Variants in SLC6A3 observed in about 807,000 individuals in gnomAD.
SLC6A3 encodes sodium-dependent dopamine transporter.
A neutral mutation model predicts 70.4 loss-of-function variants in SLC6A3; 19 were observed. The observed-to-expected ratio is 0.27, with a 90% CI of 0.19 to 0.40. The LOEUF (loss-of-function observed/expected upper bound fraction) is 0.40, where lower values mean the gene tolerates loss of function less well. SLC6A3 is among the 10% of genes least tolerant of loss of function. SLC6A3 has a pLI of 1.00. For missense variants in SLC6A3, 613 were observed against 838.5 expected (o/e 0.73, Z 3.32); for synonymous variants, 368 against 356.6 (o/e 1.03, Z -0.36).
At chr5:1,417,421 C>A (rs1048039454) in intron 6 of SLC6A3, among the ~76,000 whole-genome samples, 1 of 152,220 alleles carries the variant, frequency 6.6e-6, no homozygotes, top group Non-Finnish European at 1.5e-5. Flanking sequence ...TGGACGCACA[C>A]CAGCAATGCC....
rs748289437 is a variant in SLC6A3 at position 1,403,060 on chromosome 5, G to A, written c.1629C>T (p.Phe543=). The A allele has an allele frequency of 7.4e-6, 12 of 1,613,748 alleles. No homozygotes were observed. The highest frequency in any genetic ancestry group is 1.0e-5 in the Non-Finnish European group (12 of 1,180,036). The change falls in exon 13 of 15, where the codon TTC becomes TTT. Residue 543 remains phenylalanine (F), a synonymous_variant. Coordinates refer to ENST00000270349, the MANE Select transcript of SLC6A3 (RefSeq NM_001044.5). ...LFVVVVSIVT[F]RPPHYGAYIF... ...TGTAGGCTCCGTAGTGGGGGGGTCT[G>A]AAGGTCACAATGCTGACCACGACCA...
In SLC6A3 at chr5:1,436,790, C is replaced by T. The variant is rs1756845319; in HGVS notation, c.419-4092G>A. ...GCAAATGGTGCTTCGCCCACCAGAG[C>T]ACGGCCACCCTGCCCCACCCCTGAA... is the stretch of plus-strand genomic sequence containing the variant. On this transcript the variant is annotated intron_variant, in intron 3 of 14. Coordinates refer to ENST00000270349, the MANE Select transcript of SLC6A3 (RefSeq NM_001044.5). This position sits in a 1 kb window ranked among gnomAD's most constrained non-coding sequence, Gnocchi z 5.2. Among the ~76,000 whole-genome samples the T allele has an allele frequency of 6.6e-6, 1 of 152,198 alleles. No homozygotes were observed. The highest frequency in any genetic ancestry group is 1.5e-5 in the Non-Finnish European group (1 of 68,038).
At chr5:1,409,289 A>AAAAAAT (rs1266520842) in intron 10 of SLC6A3, among the ~76,000 whole-genome samples, 164 bp from the exon 11 acceptor site, 1 of 152,234 alleles carries the variant, frequency 6.6e-6, no homozygotes, top group African/African-American at 2.4e-5. Context: ...CGTGTATTAC[A>AAAAAAT]AAAAATAAAA....
Position 1,408,120 on chromosome 5 carries a change from G to A in SLC6A3, c.1498+906C>T, listed in dbSNP as rs925482570. The stretch of plus-strand genomic sequence containing the variant: ...GGTTCAAGCTGAATCATATTCCATC[G>A]TAAGTATACCATCAGTGTCTTCAGA... On this transcript the variant is annotated intron_variant, in intron 11 of 14. Transcript: ENST00000270349. This position sits in a 1 kb window ranked among gnomAD's most constrained non-coding sequence, Gnocchi z 6.4. 5.3e-5 allele frequency among the ~76,000 whole-genome samples: 8 copies of A among 151,580 alleles called. No individual in the cohort carries two copies. The highest frequency in any genetic ancestry group is 1.2e-4 in the African/African-American group (5 of 41,192).
intron 4 of SLC6A3, among the ~76,000 whole-genome samples, chr5:1,424,879 C>T (rs1756543060): frequency 1.3e-5 from 2 of 152,214 alleles, no homozygotes; most frequent in Non-Finnish European, 2.9e-5. Context: ...GTGCTGTCAA[C>T]CTGAGAAGAG....
rs1733712322 is a variant in SLC6A3, at chr5:1,442,806, C to T, written c.286+106G>A. 8.5e-7 allele frequency: 1 copy of T among 1,179,668 alleles called. No homozygotes were observed. Among genetic ancestry groups the T allele is most frequent in the Non-Finnish European group, 1.3e-6 (1 of 793,320 alleles). 73.1% of individuals were successfully genotyped at this position (1,179,668 alleles called of 1,614,324 possible). A position where few individuals can be genotyped will look rare whatever the true frequency, so the allele number is the denominator to read the frequency against. Reference sequence around the variant, plus strand: ...GAGCTCTCACAGGGAGCTCCGTCTTCACGCATGGGAACAGCTTCATCTCGT... The same window carrying T: ...GAGCTCTCACAGGGAGCTCCGTCTTTACGCATGGGAACAGCTTCATCTCGT... On this transcript the variant is annotated intron_variant, in intron 2 of 14. Coordinates refer to ENST00000270349, the MANE Select transcript of SLC6A3 (RefSeq NM_001044.5). This position sits in a 1 kb window ranked among gnomAD's most constrained non-coding sequence, Gnocchi z 5.0.
chr5:1,438,100 C>G lies in SLC6A3; in HGVS notation c.418+3259G>C, dbSNP rs115935601. Reference sequence around the variant, plus strand: ...GCAGCGTTACTGAGATTCAACAACTCAAGGTGTCTCGTCTCTAAAAAGAAG... The same window carrying G: ...GCAGCGTTACTGAGATTCAACAACTGAAGGTGTCTCGTCTCTAAAAAGAAG... On this transcript the variant is annotated intron_variant, in intron 3 of 14. Coordinates refer to ENST00000270349, the MANE Select transcript of SLC6A3 (RefSeq NM_001044.5). The surrounding 1 kb of genome is among the most constrained non-coding windows in gnomAD (Gnocchi z 6.5). Among the ~76,000 whole-genome samples, 2,636 of 152,318 alleles carry G rather than the reference C, an allele frequency of 0.017. 69 individuals are homozygous for G. The highest frequency in any genetic ancestry group is 0.059 in the African/African-American group (2,460 of 41,568).
chr5:1,413,976 G>A lies in SLC6A3; in HGVS notation c.1156+715C>T, dbSNP rs28363076. Among the ~76,000 whole-genome samples, 2,142 of 152,214 alleles carry A rather than the reference G, an allele frequency of 0.014. 34 individuals carry two copies. The highest frequency in any genetic ancestry group is 0.052 in the South Asian group (252 of 4,822). ...CCCCACCACTCACCTGTGCCTGCCC[G>A]AGACCTGGACCCCTCCCCACCCTCT... On this transcript the variant is annotated intron_variant, in intron 8 of 14. Transcript: ENST00000270349. This position sits in a 1 kb window ranked among gnomAD's most constrained non-coding sequence, Gnocchi z 7.1.
In SLC6A3 at chr5:1,394,738, C is replaced by T. The variant is rs557205326; in HGVS notation, c.1860G>A (p.Val620=). ...GGGGTCTTCGTCTCTGCTCCCTCTA[C>T]ACCTTGAGCCAGTGGCGGAGCTGGA... ...RQFTLRHWLK[V] is the part of the protein sequence containing the mutation. Residue 620 remains valine, a synonymous_variant, in exon 15 of 15, where the codon GTG becomes GTA. Transcript: ENST00000270349. This position sits in a 1 kb window ranked among gnomAD's most constrained non-coding sequence, Gnocchi z 4.7. 2.5e-6 allele frequency: 4 copies of T among 1,614,154 alleles called. No individual in the cohort carries two copies. Among genetic ancestry groups the T allele is most frequent in the South Asian group, 2.2e-5 (2 of 91,088 alleles).
chr5:1,420,430 C>A, intron 6 of SLC6A3, 139 bp downstream of exon 6: 1 of 910,992 alleles, frequency 1.1e-6, no homozygotes, highest in Admixed American at 1.7e-5. Flanking sequence ...ATCACAGGTA[C>A]TTGGGATTTG....
chr5:1,422,947 C>G (rs955372447), intron 4 of SLC6A3, among the ~76,000 whole-genome samples: 66 of 39,002 alleles, frequency 1.7e-3, no homozygotes, highest in Admixed American at 3.3e-3. Context: ...GCTGCCCACG[C>G]TGCTGGGTGC....
At chr5:1,407,435 C>G (rs1756010471) in intron 11 of SLC6A3, among the ~76,000 whole-genome samples, 1 of 152,238 alleles carries the variant, frequency 6.6e-6, no homozygotes, top group Non-Finnish European at 1.5e-5. Flanking sequence ...CTCCCACCAG[C>G]AGGTCCCAGG....
At position 1,423,231 on chromosome 5, in the gene SLC6A3, C is replaced by T. The variant is rs551680589; in HGVS notation, c.654-1217G>A. 1.1e-4 allele frequency among the ~76,000 whole-genome samples: 7 copies of T among 62,090 alleles called. 1 individual carries two copies. The highest frequency in any genetic ancestry group is 1.7e-4 in the Non-Finnish European group (6 of 34,816). The allele number at this position is 62,090 out of a possible 152,430, so 40.7% of individuals were successfully genotyped here. On this transcript the variant is annotated intron_variant, in intron 4 of 14. Transcript: ENST00000270349. The stretch of plus-strand genomic sequence containing the variant: ...GGTGCTGGGTACCCACCGCTGCCCA[C>T]GGTGCTGCCCATGGTGCTGGGTACC...
chr5:1,406,931 T>C lies in SLC6A3; in HGVS notation c.1499-643A>G, dbSNP rs116810950. On this transcript the variant is annotated intron_variant, in intron 11 of 14. Transcript: ENST00000270349. The surrounding 1 kb of genome is among the most constrained non-coding windows in gnomAD (Gnocchi z 8.8). ...TGCAACTGGTTTACTCCCTGTAGAG[T>C]GTCCCTGAGGCCACCTAAGCTGCGG... Among the ~76,000 whole-genome samples the C allele has an allele frequency of 4.7e-3, 716 of 152,152 alleles. 1 individual carries two copies. Among genetic ancestry groups the C allele is most frequent in the African/African-American group, 0.017 (694 of 41,510 alleles).
chr5:1,421,154 G>A lies in SLC6A3; in HGVS notation c.793-451C>T, dbSNP rs1473478288. Among the ~76,000 whole-genome samples, 1 of 151,376 alleles carries A rather than the reference G, an allele frequency of 6.6e-6. No individual in the cohort carries two copies. The highest frequency in any genetic ancestry group is 2.4e-5 in the African/African-American group (1 of 41,160). ...AGGAGTCGTATCTTGGTCAAAACTG[G>A]TTTTGGCCCATATAACAACCAAAGT... On this transcript the variant is annotated intron_variant, in intron 5 of 14. Coordinates refer to ENST00000270349, the MANE Select transcript of SLC6A3 (RefSeq NM_001044.5). This position sits in a 1 kb window ranked among gnomAD's most constrained non-coding sequence, Gnocchi z 7.2.
At chr5:1,427,423 TA>T (rs1001975852) in intron 4 of SLC6A3, among the ~76,000 whole-genome samples, 3 of 152,066 alleles carry the variant, frequency 2.0e-5, no homozygotes, top group Non-Finnish European at 2.9e-5. Context: ...AATGAAAGCC[TA>T]AAAAATTAAT....
chr5:1,409,735 A>G lies in SLC6A3; in HGVS notation c.1384T>C (p.Phe462Leu). The G allele has an allele frequency of 1.2e-6, 2 of 1,613,398 alleles. No individual in the cohort carries two copies. Among genetic ancestry groups the G allele is most frequent in the Non-Finnish European group, 1.7e-6 (2 of 1,180,040 alleles). ...IVLATFLLSL[F>L]CVTNGGIYVF... ...ATGGTACGTACGTTGGTGACGCAGA[A>G]CAGGGACAGGAGGAAGGTCGCCAGG... Residue 462 changes from phenylalanine (F) to leucine (L), a missense_variant, in exon 10 of 15, where the codon TTC (phenylalanine) becomes CTC (leucine). Transcript: ENST00000270349.
At chr5:1,433,940 T>C (rs1181332107) in intron 3 of SLC6A3, among the ~76,000 whole-genome samples, 1 of 152,106 alleles carries the variant, frequency 6.6e-6, no homozygotes, top group African/African-American at 2.4e-5. Context: ...CACAGCCATC[T>C]ACAGACATCC....
At chr5:1,395,804 C>G (rs967007147) in intron 14 of SLC6A3, among the ~76,000 whole-genome samples, 1 of 152,354 alleles carries the variant, frequency 6.6e-6, no homozygotes, top group South Asian at 2.1e-4. Context: ...CCTGTTCCCC[C>G]CAGGGTGAAG....
Sources: gnomAD v4.1 joint callset for allele counts (sites outside exome capture counted in the v4.1 genomes callset) on GRCh38, gnomAD v4.1.1 for gene constraint, Gnocchi (gnomAD v3.1) non-coding constraint, MANE v1.5 for transcripts, NCBI Gene and HGNC (gene_info 2026-07-23, HGNC 2026-07-21) for gene names.